PTH2R: variants seen among roughly 807,000 people sequenced by gnomAD.
PTH2R encodes the protein PTH2 receptor.
PTH2R carries 59 observed loss-of-function variants against 60.3 expected under a neutral mutation model. The observed-to-expected ratio is 0.98, with a 90% confidence interval of 0.79 to 1.22. The LOEUF (loss-of-function observed/expected upper bound fraction) is 1.22, where lower values mean the gene tolerates loss of function less well. Ranked by LOEUF, PTH2R falls within the 50% of genes most tolerant of loss-of-function variation. PTH2R has a pLI of 0.00. For missense variants in PTH2R, 749 were observed against 682.6 expected (o/e 1.10, Z -1.08); for synonymous variants, 256 against 243.8 (o/e 1.05, Z -0.47).
intron 1 of PTH2R, among the ~76,000 whole-genome samples, chr2:208,415,448 A>C (rs1386490597): frequency 1.3e-5 from 2 of 152,230 alleles, no homozygotes; most frequent in African/African-American, 4.8e-5. Context: ...GCAGTGACTC[A>C]GTCATAACTT....
intron 4 of PTH2R, among the ~76,000 whole-genome samples, chr2:208,439,646 C>G (rs1419621611): frequency 2.0e-5 from 3 of 151,486 alleles, no homozygotes; most frequent in Non-Finnish European, 4.4e-5. Flanking sequence ...ATTGGCTTGG[C>G]AAAATGAGGT....
intron 1 of PTH2R, among the ~76,000 whole-genome samples, chr2:208,407,814 T>G (rs6747668): frequency 1.3e-5 from 2 of 152,096 alleles, no homozygotes; most frequent in African/African-American, 4.8e-5. Flanking sequence ...GCTAGAGAGA[T>G]GCGTGTAGTG....
chr2:208,425,369 T>A (rs1701836539), intron 1 of PTH2R, among the ~76,000 whole-genome samples: 2 of 152,168 alleles, frequency 1.3e-5, no homozygotes, highest in South Asian at 4.1e-4. Flanking sequence ...CAGTGTTCCA[T>A]GCCAGTTTAC....
At chr2:208,435,750 C>T (rs546706361) in intron 2 of PTH2R, among the ~76,000 whole-genome samples, 1 of 152,208 alleles carries the variant, frequency 6.6e-6, no homozygotes, top group Non-Finnish European at 1.5e-5. Flanking sequence ...CCCTGCCCAG[C>T]CCTTGATTTT....
chr2:208,446,884 G>T (rs1702297378), intron 7 of PTH2R, among the ~76,000 whole-genome samples: 1 of 152,110 alleles, frequency 6.6e-6, no homozygotes, highest in Admixed American at 6.6e-5. Context: ...ATGCCTTGCA[G>T]GATACTTTGC....
intron 1 of PTH2R, among the ~76,000 whole-genome samples, chr2:208,400,669 G>A (rs1043401261): frequency 1.3e-5 from 2 of 152,102 alleles, no homozygotes; most frequent in African/African-American, 4.8e-5. Context: ...TTTAGACATG[G>A]ATGAATCAGA....
chr2:208,473,806 T>C (rs1328140923), intron 9 of PTH2R, among the ~76,000 whole-genome samples: 1 of 152,226 alleles, frequency 6.6e-6, no homozygotes, highest in African/African-American at 2.4e-5. Flanking sequence ...TACCTTACAA[T>C]CATTTAAAAT....
At chr2:208,443,226 G>A (rs779831092) in intron 5 of PTH2R, 122 bp from the exon 6 acceptor site, 12 of 740,858 alleles carry the variant, frequency 1.6e-5, no homozygotes, top group Non-Finnish European at 2.1e-5. Flanking sequence ...AATTTGTGTG[G>A]AGTCTCGAAC....
intron 1 of PTH2R, among the ~76,000 whole-genome samples, chr2:208,373,297 C>A (rs1049094443): frequency 6.6e-6 from 1 of 151,802 alleles, no homozygotes; most frequent in African/African-American, 2.4e-5. Flanking sequence ...GAATTTTTTT[C>A]TTTTTGTAAA....
At chr2:208,491,094 C>T (rs1200269486) in intron 12 of PTH2R, among the ~76,000 whole-genome samples, 2 of 152,050 alleles carry the variant, frequency 1.3e-5, no homozygotes, top group Non-Finnish European at 2.9e-5. Flanking sequence ...AATTTTAGTT[C>T]ATTTAGGAGT....
At chr2:208,422,631 G>A (rs1559215202) in intron 1 of PTH2R, among the ~76,000 whole-genome samples, 1 of 151,650 alleles carries the variant, frequency 6.6e-6, no homozygotes, top group African/African-American at 2.4e-5. Flanking sequence ...AATATTTTGT[G>A]GTTTTTTTAA....
chr2:208,438,745 T>G (rs1258832823), intron 4 of PTH2R, among the ~76,000 whole-genome samples: 1 of 152,178 alleles, frequency 6.6e-6, no homozygotes, highest in Non-Finnish European at 1.5e-5. Flanking sequence ...ATTTTTGACA[T>G]ATTTCTTTAT....
chr2:208,463,825 C>T (rs1441623196), intron 9 of PTH2R, among the ~76,000 whole-genome samples: 1 of 152,224 alleles, frequency 6.6e-6, no homozygotes, highest in Non-Finnish European at 1.5e-5. Context: ...CCTGAGGGGA[C>T]TCCCAGGGAT....
intron 2 of PTH2R, among the ~76,000 whole-genome samples, chr2:208,431,004 C>T (rs1347664): frequency 0.078 from 11,821 of 152,090 alleles, 505 homozygotes; most frequent in African/African-American, 0.084. Context: ...GTTATTTTGC[C>T]TCTGAAATTT....
At chr2:208,455,465 G>A (rs1456313394) in intron 8 of PTH2R, among the ~76,000 whole-genome samples, 1 of 152,168 alleles carries the variant, frequency 6.6e-6, no homozygotes, top group Non-Finnish European at 1.5e-5. Flanking sequence ...TGACCACCTT[G>A]CAAAATATTC....
chr2:208,493,747 A>G lies in PTH2R; in HGVS notation c.*88A>G. 7.1e-7 allele frequency: 1 copy of G among 1,399,068 alleles called. No individual in the cohort carries two copies. The allele number at this position is 1,399,068 out of a possible 1,614,324, so 86.7% of individuals were successfully genotyped here. ...CTGATACTCCTATGCTTGAGTTCAA[A>G]GGCTGAAAATTCAGTTAAGGTGTTA... On this transcript the variant is annotated 3_prime_UTR_variant, in exon 13 of 13. Transcript: ENST00000272847.
intron 1 of PTH2R, among the ~76,000 whole-genome samples, chr2:208,384,983 A>G (rs1700977522): frequency 6.6e-6 from 1 of 152,232 alleles, no homozygotes; most frequent in Admixed American, 6.5e-5. Flanking sequence ...AAAAAAGCCT[A>G]AGCAAAAATA....
rs1702225111 is a variant in PTH2R at position 208,443,369 on chromosome 2, C to G, written c.531C>G (p.Asn177Lys). The change falls in exon 6 of 13, where the codon AAC becomes AAG. Residue 177 changes from asparagine (N) to lysine (K), a missense_variant. Asn to Lys is a moderately conservative substitution (Grantham distance 94). Transcript: ENST00000272847. The stretch of plus-strand genomic sequence containing the variant: ...GTAGACGATTGCATTGCACTAGGAA[C>G]TATATCCACATGCACTTATTTGTGT... ...GYFRRLHCTR[N>K]YIHMHLFVSF... The G allele has an allele frequency of 2.5e-6, 4 of 1,595,406 alleles. No homozygotes were observed. In the East Asian group the frequency reaches 6.8e-5, roughly 27 times the overall value.
intron 10 of PTH2R, among the ~76,000 whole-genome samples, chr2:208,482,678 T>C (rs1232869740): frequency 6.6e-6 from 1 of 152,160 alleles, no homozygotes; most frequent in Non-Finnish European, 1.5e-5. Context: ...AAAGAGGAAG[T>C]GAAGCTAGAC....
Sources: gnomAD v4.1 joint callset for allele counts (sites outside exome capture counted in the v4.1 genomes callset) on GRCh38, gnomAD v4.1.1 for gene constraint, MANE v1.5 for transcripts, NCBI Gene and HGNC (gene_info 2026-07-23, HGNC 2026-07-21) for gene names.